SLC6A3: variants seen among roughly 807,000 people sequenced by gnomAD.
SLC6A3 encodes the protein sodium-dependent dopamine transporter.
A neutral mutation model predicts 70.4 loss-of-function variants in SLC6A3; 19 were observed. The observed-to-expected ratio is 0.27, with a 90% CI of 0.19 to 0.40. The LOEUF is 0.40. SLC6A3 is among the 10% of genes least tolerant of loss of function. SLC6A3 has a pLI of 1.00. For synonymous variants in SLC6A3, 368 were observed against 356.6 expected (o/e 1.03, Z -0.36); for missense variants, 613 against 838.5 (o/e 0.73, Z 3.32).
chr5:1,414,280 C>T (rs1756200405), intron 8 of SLC6A3, among the ~76,000 whole-genome samples: 1 of 148,938 alleles, frequency 6.7e-6, no homozygotes. Context: ...CATGTGGCAT[C>T]TGCAGGGAGC....
intron 9 of SLC6A3, among the ~76,000 whole-genome samples, chr5:1,410,261 C>T (rs763790068): frequency 2.0e-5 from 3 of 152,200 alleles, no homozygotes; most frequent in Non-Finnish European, 4.4e-5. Context: ...GCCTTCCCGA[C>T]GGAGCCTCCT....
chr5:1,411,479 C>G lies in SLC6A3; in HGVS notation c.1157-124G>C. ...TGTAGAGACTAGGGCTGGTGCGGCTCTGCTGAAAAGCCCCCTTCTATATGT... is the reference window on the plus strand; with the variant it reads ...TGTAGAGACTAGGGCTGGTGCGGCTGTGCTGAAAAGCCCCCTTCTATATGT... On this transcript the variant is annotated intron_variant, in intron 8 of 14. Coordinates refer to ENST00000270349, the MANE Select transcript of SLC6A3 (RefSeq NM_001044.5). The surrounding 1 kb of genome is among the most constrained non-coding windows in gnomAD (Gnocchi z 6.5). The G allele has an allele frequency of 1.3e-6, 1 of 761,150 alleles. No homozygotes were observed. Among genetic ancestry groups the G allele is most frequent in the Non-Finnish European group, 2.3e-6 (1 of 436,452 alleles). The allele number at this position is 761,150 out of a possible 1,614,324, so 47.1% of individuals were successfully genotyped here.
chr5:1,395,708 C>T (rs1755701115), intron 14 of SLC6A3, among the ~76,000 whole-genome samples: 1 of 152,206 alleles, frequency 6.6e-6, no homozygotes, highest in South Asian at 2.1e-4. Flanking sequence ...GGCCCAGCGG[C>T]CAGAGCCCTA....
At chr5:1,432,418 TG>T in intron 4 of SLC6A3, 45 bp downstream of exon 4, 1 of 1,463,132 alleles carries the variant, frequency 6.8e-7, no homozygotes, top group Non-Finnish European at 9.5e-7. Context: ...ATGGGGGACC[TG>T]GCTGCGCCAT....
chr5:1,401,028 C>G lies in SLC6A3; in HGVS notation c.1768-42G>C, dbSNP rs1188843023. The G allele has an allele frequency of 6.9e-7, 1 of 1,457,070 alleles. No homozygotes were observed. The highest frequency in any genetic ancestry group is 9.5e-7 in the Non-Finnish European group (1 of 1,054,852). 90.3% of individuals were successfully genotyped at this position (1,457,070 alleles called of 1,614,324 possible). A position where few individuals can be genotyped will look rare whatever the true frequency, so the allele number is the denominator to read the frequency against. On this transcript the variant is annotated intron_variant, in intron 13 of 14. Transcript: ENST00000270349. The surrounding 1 kb of genome is among the most constrained non-coding windows in gnomAD (Gnocchi z 6.1). ...GTGCAGGGGTCAGTGCAGACCAGTA[C>G]CCACTGCCAGCACCCACCACTGACT...
At position 1,404,630 on chromosome 5, in the gene SLC6A3, G is replaced by A. The variant is rs191433534; in HGVS notation, c.1600-1541C>T. Among the ~76,000 whole-genome samples, 9 of 152,318 alleles carry A rather than the reference G, an allele frequency of 5.9e-5. No homozygotes were observed. The East Asian group carries it at 1.5e-3, about 26-fold the overall frequency. ...CCCTTACGACCAGAGGTTAGCACAC[G>A]CCAGAGGGCAGGGGACTATGCCGCA... On this transcript the variant is annotated intron_variant, in intron 12 of 14. Transcript: ENST00000270349. The surrounding 1 kb of genome is among the most constrained non-coding windows in gnomAD (Gnocchi z 5.2).
chr5:1,402,505 ACCATAGTGTGTAGGCATG>A lies in SLC6A3; in HGVS notation c.1767+399_1767+416del, dbSNP rs1185473479. ...GGCTTCTGTGTCCACCACACCACATACCATAGTGTGTAGGCATGCATGCACTCAGTACACACAAACACT... is the reference window on the plus strand; with the variant it reads ...GGCTTCTGTGTCCACCACACCACATACATGCACTCAGTACACACAAACACT... On this transcript the variant is annotated intron_variant, in intron 13 of 14. Coordinates refer to ENST00000270349, the MANE Select transcript of SLC6A3 (RefSeq NM_001044.5). This position sits in a 1 kb window ranked among gnomAD's most constrained non-coding sequence, Gnocchi z 8.5. 2.6e-5 allele frequency among the ~76,000 whole-genome samples: 4 copies of A among 151,916 alleles called. No homozygotes were observed. The highest frequency in any genetic ancestry group is 2.0e-4 in the Admixed American group (3 of 15,254).
intron 11 of SLC6A3, among the ~76,000 whole-genome samples, chr5:1,407,962 C>T (rs1308241521): frequency 6.6e-6 from 1 of 151,966 alleles, no homozygotes; most frequent in African/African-American, 2.4e-5. Context: ...GGGGCTCACG[C>T]AGCACCACAG....
intron 12 of SLC6A3, among the ~76,000 whole-genome samples, chr5:1,403,859 AT>A (rs1213475933): frequency 2.0e-5 from 3 of 152,170 alleles, no homozygotes; most frequent in Non-Finnish European, 4.4e-5. Flanking sequence ...CAGCTCATGC[AT>A]TTGTTCATCC....
In SLC6A3 at chr5:1,404,016, G is replaced by C. The variant is rs944759051; in HGVS notation, c.1600-927C>G. 1.3e-5 allele frequency among the ~76,000 whole-genome samples: 2 copies of C among 152,266 alleles called. No homozygotes were observed. Among genetic ancestry groups the C allele is most frequent in the East Asian group, 3.8e-4 (2 of 5,206 alleles). ...ACCTGGGTCCTTCCCAAGGACACAA[G>C]TGAAGCTCTGATAGATATGGTTTAT... On this transcript the variant is annotated intron_variant, in intron 12 of 14. Transcript: ENST00000270349. This position sits in a 1 kb window ranked among gnomAD's most constrained non-coding sequence, Gnocchi z 5.2.
At chr5:1,439,145 T>C (rs552786071) in intron 3 of SLC6A3, among the ~76,000 whole-genome samples, 306 of 152,262 alleles carry the variant, frequency 2.0e-3, no homozygotes, top group Non-Finnish European at 3.3e-3. Context: ...GGGTCTTCCG[T>C]TGGCTGCTGC....
intron 12 of SLC6A3, among the ~76,000 whole-genome samples, chr5:1,403,688 C>T (rs1176102457): frequency 1.3e-5 from 2 of 152,002 alleles, no homozygotes; most frequent in African/African-American, 4.8e-5. Context: ...CCATGCGGGA[C>T]CACCCTAGGG....
rs568569095 is a variant in SLC6A3 at position 1,408,376 on chromosome 5, C to T, written c.1498+650G>A. ...ATGGCGAGATGCCCTGGCTCGGCCT[C>T]GCCACTTCCCTGGAAGTGAGCTGGC... On this transcript the variant is annotated intron_variant, in intron 11 of 14. Transcript: ENST00000270349. The surrounding 1 kb of genome is among the most constrained non-coding windows in gnomAD (Gnocchi z 6.4). 7.2e-4 allele frequency among the ~76,000 whole-genome samples: 109 copies of T among 152,128 alleles called. 1 individual carries two copies. Among genetic ancestry groups the T allele is most frequent in the Admixed American group, 4.4e-3 (67 of 15,272 alleles).
rs1041898842 is a variant in SLC6A3 at position 1,421,075 on chromosome 5, T to A, written c.793-372A>T. Among the ~76,000 whole-genome samples the A allele has an allele frequency of 1.6e-4, 25 of 151,760 alleles. No homozygotes were observed. Among genetic ancestry groups the A allele is most frequent in the Admixed American group, 1.6e-3 (24 of 15,278 alleles). ...CGATGAAGGGCTGCTCTGGGCTGTG[T>A]CCCTGCGGGAGGCTCCCGTGGCTGG... On this transcript the variant is annotated intron_variant, in intron 5 of 14. Coordinates refer to ENST00000270349, the MANE Select transcript of SLC6A3 (RefSeq NM_001044.5). The surrounding 1 kb of genome is among the most constrained non-coding windows in gnomAD (Gnocchi z 7.2).
chr5:1,394,907 G>A lies in SLC6A3; in HGVS notation c.1840-149C>T. 2.5e-6 allele frequency: 2 copies of A among 808,444 alleles called. No individual in the cohort carries two copies. Among genetic ancestry groups the A allele is most frequent in the Non-Finnish European group, 2.1e-6 (1 of 469,732 alleles). The allele number at this position is 808,444 out of a possible 1,614,324, so 50.1% of individuals were successfully genotyped here. On this transcript the variant is annotated intron_variant, in intron 14 of 14. Coordinates refer to ENST00000270349, the MANE Select transcript of SLC6A3 (RefSeq NM_001044.5). The surrounding 1 kb of genome is among the most constrained non-coding windows in gnomAD (Gnocchi z 4.7). ...TGGGAGAAGGGGAGGCTCACTGGGG[G>A]CCTGGACCAACACACCCTTGACAGG...
rs189652237 is a variant in SLC6A3, at chr5:1,396,674, G to C, written c.1840-1916C>G. Among the ~76,000 whole-genome samples, 1 of 152,250 alleles carries C rather than the reference G, an allele frequency of 6.6e-6. No individual in the cohort carries two copies. The highest frequency in any genetic ancestry group is 2.4e-5 in the African/African-American group (1 of 41,538). ...TGAGGAGGCTGGGGAGAGATCCGCC[G>C]ACAGGACCAGAGGGAACCACCTCTG... On this transcript the variant is annotated intron_variant, in intron 14 of 14. Transcript: ENST00000270349. The surrounding 1 kb of genome is among the most constrained non-coding windows in gnomAD (Gnocchi z 7.0).
At chr5:1,403,377 C>T (rs1183094272) in intron 12 of SLC6A3, among the ~76,000 whole-genome samples, 1 of 100,496 alleles carries the variant, frequency 1.0e-5, no homozygotes, top group Non-Finnish European at 2.0e-5. Flanking sequence ...CCTGTTCTGT[C>T]CCCTCCCCTC....
rs532256511 is a variant in SLC6A3 at position 1,402,881 on chromosome 5, G to A, written c.1767+41C>T. On this transcript the variant is annotated intron_variant, in intron 13 of 14. Transcript: ENST00000270349. This position sits in a 1 kb window ranked among gnomAD's most constrained non-coding sequence, Gnocchi z 8.5. Reference sequence around the variant, plus strand: ...TGGACACCCACGGAGCCTTTCTGGTGGCCTCACACTCGGGTGAAGGCGCCC... The same window carrying A: ...TGGACACCCACGGAGCCTTTCTGGTAGCCTCACACTCGGGTGAAGGCGCCC... The A allele has an allele frequency of 2.2e-5, 35 of 1,601,476 alleles. No homozygotes were observed. The African/African-American group carries it at 3.3e-4, about 15-fold the overall frequency.
intron 1 of SLC6A3, 30 bp from the exon 2 acceptor site, chr5:1,443,272 A>C: frequency 1.3e-6 from 2 of 1,515,734 alleles, no homozygotes; most frequent in Non-Finnish European, 1.8e-6. Context: ...TAAACACACA[A>C]CAGGAACGCA....
Sources: allele counts gnomAD v4.1 joint callset (sites outside exome capture counted in the v4.1 genomes callset), GRCh38; gene constraint gnomAD v4.1.1; non-coding constraint Gnocchi (gnomAD v3.1); transcripts MANE v1.5; gene names NCBI Gene and HGNC (gene_info 2026-07-23, HGNC 2026-07-21).